Variants in ZNF618 observed in about 807,000 individuals in gnomAD.
The protein encoded by ZNF618 is neural precursor cell expressed, developmentally down-regulated 10.
Under a neutral mutation model 103.0 loss-of-function variants are expected in ZNF618, and 34 were observed. The ratio of observed to expected loss-of-function variants is 0.33; its 90% CI spans 0.25 to 0.44. ZNF618 has a LOEUF of 0.44. ZNF618 is among the 20% of genes least tolerant of loss of function. The pLI, the probability that ZNF618 is intolerant of heterozygous loss-of-function variation, is 1.00. For synonymous variants in ZNF618, 551 were observed against 542.2 expected, an observed-to-expected ratio of 1.02 and a Z score of -0.23; for missense variants, 1,059 against 1,295.4, an observed-to-expected ratio of 0.82 and a Z score of 2.80.
chr9:113,963,967 C>G (rs1231221457), intron 1 of ZNF618, among the ~76,000 whole-genome samples: 1 of 152,110 alleles, frequency 6.6e-6, no homozygotes, highest in Non-Finnish European at 1.5e-5. Context: ...TGAACAGGGA[C>G]AAATTAAATC....
chr9:113,906,400 C>T (rs976054919), intron 1 of ZNF618, among the ~76,000 whole-genome samples: 5 of 152,118 alleles, frequency 3.3e-5, no homozygotes, highest in African/African-American at 4.8e-5. Flanking sequence ...ATGGGCATTT[C>T]GCTCTTCCAT....
chr9:113,925,057 GTTTAA>G (rs1162356062), intron 1 of ZNF618, among the ~76,000 whole-genome samples: 1 of 152,010 alleles, frequency 6.6e-6, no homozygotes, highest in Non-Finnish European at 1.5e-5. Context: ...TGATGATGTT[GTTTAA>G]TTTAACTAGA....
intron 1 of ZNF618, among the ~76,000 whole-genome samples, chr9:113,895,072 G>T (rs1829923597): frequency 6.9e-6 from 1 of 144,578 alleles, no homozygotes; most frequent in African/African-American, 2.6e-5. Flanking sequence ...ATTTTATTTT[G>T]GTTTCAGAAA....
chr9:113,954,162 TG>T (rs1393139079), intron 1 of ZNF618, among the ~76,000 whole-genome samples: 2 of 152,166 alleles, frequency 1.3e-5, no homozygotes. Flanking sequence ...TGCGTGCCTC[TG>T]GAGTGTCCTT....
chr9:113,956,568 A>G (rs982307337), intron 1 of ZNF618, among the ~76,000 whole-genome samples: 3 of 152,202 alleles, frequency 2.0e-5, no homozygotes, highest in Non-Finnish European at 2.9e-5. Flanking sequence ...CCTAGGTACT[A>G]TGGAGCCACA....
chr9:113,930,378 T>C (rs1183805096), intron 1 of ZNF618, among the ~76,000 whole-genome samples: 1 of 152,232 alleles, frequency 6.6e-6, no homozygotes, highest in African/African-American at 2.4e-5. Flanking sequence ...ACTACTTGAA[T>C]TCCCTTAAAA....
At chr9:113,983,534 C>T (rs543451069) in intron 2 of ZNF618, among the ~76,000 whole-genome samples, 1 of 152,202 alleles carries the variant, frequency 6.6e-6, no homozygotes, top group Non-Finnish European at 1.5e-5. Context: ...CTTCTGTGAA[C>T]TCAGTCAGGA....
intron 1 of ZNF618, among the ~76,000 whole-genome samples, chr9:113,901,582 G>T (rs1276593962): frequency 6.6e-6 from 1 of 152,180 alleles, no homozygotes; most frequent in Non-Finnish European, 1.5e-5. Flanking sequence ...TGCTAAACCC[G>T]GGCCCAGCAA....
intron 10 of ZNF618, among the ~76,000 whole-genome samples, chr9:114,023,644 A>T (rs2134073540): frequency 6.6e-6 from 1 of 152,118 alleles, no homozygotes; most frequent in Non-Finnish European, 1.5e-5. Flanking sequence ...AACATTTCTT[A>T]TATTGTAGGT....
At chr9:113,954,361 G>C (rs1368839622) in intron 1 of ZNF618, among the ~76,000 whole-genome samples, 1 of 152,142 alleles carries the variant, frequency 6.6e-6, no homozygotes, top group Admixed American at 6.5e-5. Flanking sequence ...CACATGATGA[G>C]TTTTCCGTAC....
intron 1 of ZNF618, among the ~76,000 whole-genome samples, chr9:113,909,790 T>G (rs1288371122): frequency 7.4e-6 from 1 of 134,252 alleles, no homozygotes; most frequent in Non-Finnish European, 1.5e-5. Context: ...TTTTTGTTTG[T>G]TTTTTTTTTT....
chr9:114,001,961 T>G, intron 4 of ZNF618, 35 bp from the exon 5 acceptor site: 1 of 1,581,618 alleles, frequency 6.3e-7, no homozygotes, highest in Non-Finnish European at 8.7e-7. Flanking sequence ...GTCACAGAGG[T>G]TGGGTGACCA....
At chr9:114,005,755 C>CT (rs1326164836) in intron 6 of ZNF618, among the ~76,000 whole-genome samples, 2 of 152,192 alleles carry the variant, frequency 1.3e-5, no homozygotes, top group African/African-American at 4.8e-5. Flanking sequence ...GGGAAGTTGT[C>CT]TAAGTTGATT....
chr9:113,902,522 C>G (rs1830656132), intron 1 of ZNF618, among the ~76,000 whole-genome samples: 1 of 152,216 alleles, frequency 6.6e-6, no homozygotes, highest in Non-Finnish European at 1.5e-5. Context: ...ATTTAACATG[C>G]ATCTTTTTGT....
intron 12 of ZNF618, among the ~76,000 whole-genome samples, chr9:114,035,516 C>T (rs1844506402): frequency 6.6e-6 from 1 of 152,230 alleles, no homozygotes; most frequent in South Asian, 2.1e-4. Flanking sequence ...GTCGGGCAGC[C>T]TCAGGACACC....
chr9:113,951,576 T>TGTGTGTATATAC (rs1564208285), intron 1 of ZNF618, among the ~76,000 whole-genome samples: 1 of 62,044 alleles, frequency 1.6e-5, no homozygotes, highest in African/African-American at 5.1e-5. Context: ...TGTGTGTGTA[T>TGTGTGTATATAC]ATGTGTGTGT....
chr9:113,978,826 C>G (rs1324436515), intron 2 of ZNF618, among the ~76,000 whole-genome samples: 3 of 152,058 alleles, frequency 2.0e-5, no homozygotes, highest in African/African-American at 4.8e-5. Flanking sequence ...CCAAAAAATC[C>G]CATATCAGGC....
At chr9:113,941,230 G>A (rs946053756) in intron 1 of ZNF618, among the ~76,000 whole-genome samples, 2 of 152,054 alleles carry the variant, frequency 1.3e-5, no homozygotes, top group Non-Finnish European at 2.9e-5. Context: ...TGACCTCCAA[G>A]GGCATTTACA....
intron 1 of ZNF618, among the ~76,000 whole-genome samples, chr9:113,894,471 A>G (rs1360032960): frequency 2.0e-5 from 3 of 152,056 alleles, no homozygotes; most frequent in African/African-American, 7.2e-5. Flanking sequence ...ATCTTGGTAA[A>G]GGGAATCCAA....
Sources: gnomAD v4.1 joint callset for allele counts (sites outside exome capture counted in the v4.1 genomes callset) on GRCh38, gnomAD v4.1.1 for gene constraint, MANE v1.5 for transcripts, NCBI Gene and HGNC (gene_info 2026-07-23, HGNC 2026-07-21) for gene names.